GPC3: variants seen among roughly 807,000 people sequenced by gnomAD.
GPC3 encodes the protein glypican 3.
Under a neutral mutation model 34.4 loss-of-function variants are expected in GPC3, and 3 were observed. The observed-to-expected ratio is 0.09, with a 90% confidence interval of 0.04 to 0.23. The LOEUF (loss-of-function observed/expected upper bound fraction) is 0.23, where lower values mean the gene tolerates loss of function less well. Among genes scored for constraint, GPC3 ranks in the 10% least tolerant of loss-of-function variants. GPC3 has a pLI of 1.00. For missense variants in GPC3, 351 were observed against 445.6 expected (o/e 0.79, Z 1.91); for synonymous variants, 177 against 174.0 (o/e 1.02, Z -0.13).
At chrX:133,744,194 A>T (rs1265199545) in intron 3 of GPC3, among the ~76,000 whole-genome samples, 1 of 112,351 alleles carries the variant, frequency 8.9e-6, no homozygotes, top group Non-Finnish European at 1.9e-5. Context: ...GCTTCTGCAC[A>T]GCAAAAGAAA....
chrX:133,736,247 T>C (rs1276352388), intron 3 of GPC3, among the ~76,000 whole-genome samples: 1 of 112,060 alleles, frequency 8.9e-6, no homozygotes, highest in Non-Finnish European at 1.9e-5. Context: ...GGTGTGGATG[T>C]GGAGAAATTG....
chrX:133,661,633 T>TCCCC (rs367660039), intron 6 of GPC3, 97 bp downstream of exon 6: 2 of 6,280 alleles, frequency 3.2e-4, no homozygotes, highest in African/African-American at 1.3e-3. Flanking sequence ...TCTCTCTCTC[T>TCCCC]CCCCCCCCCC....
chrX:133,866,307 G>A (rs748981791), intron 2 of GPC3, among the ~76,000 whole-genome samples: 1 of 111,647 alleles, frequency 9.0e-6, no homozygotes, highest in African/African-American at 3.3e-5. Flanking sequence ...AGTAAATTGC[G>A]TGCTTTAATC....
rs1303471846 is a variant in GPC3, at chrX:133,541,258, C to CA, written c.1574-4966dup. On this transcript the variant is annotated intron_variant, in intron 7 of 7. Transcript: ENST00000370818. Reference sequence around the variant, plus strand: ...AGTAGCAAAGTTAAAAAAACAAAAACAAAAAAAAAACCCTACAAAGTGGCT... The same window carrying CA: ...AGTAGCAAAGTTAAAAAAACAAAAACAAAAAAAAAAACCCTACAAAGTGGCT... Among the ~76,000 whole-genome samples the CA allele has an allele frequency of 2.1e-3, 217 of 103,263 alleles. 1 individual carries two copies. The East Asian group carries it at 0.021, about 10-fold the overall frequency. The allele number at this position is 103,263 out of a possible 115,157, so 89.7% of individuals were successfully genotyped here.
At chrX:133,656,141 T>C (rs1462624310) in intron 6 of GPC3, among the ~76,000 whole-genome samples, 2 of 112,255 alleles carry the variant, frequency 1.8e-5, no homozygotes, top group Admixed American at 9.5e-5. Context: ...TTCCATACAA[T>C]GTGGTGGTTA....
chrX:133,714,787 A>G (rs769315782), intron 3 of GPC3, among the ~76,000 whole-genome samples: 3 of 111,709 alleles, frequency 2.7e-5, no homozygotes, highest in Non-Finnish European at 3.8e-5. Flanking sequence ...GCATTTATTC[A>G]AGAAAATGGC....
rs1269354535 is a variant in GPC3 at position 133,536,135 on chromosome X, GGAA to G, written c.1729_1731del (p.Phe577del). Reference sequence around the variant, plus strand: ...TGGGCACCAGGCAGTCAGTGCACCAGGAAGAAGAAGCACACCACCGAGATGGCC... The same window carrying G: ...TGGGCACCAGGCAGTCAGTGCACCAGGAAGAAGCACACCACCGAGATGGCC... On this transcript the variant is annotated inframe_deletion, in exon 8 of 8. Transcript: ENST00000370818. 2.5e-6 allele frequency: 3 copies of G among 1,198,809 alleles called. No homozygotes were observed. Among genetic ancestry groups the G allele is most frequent in the Non-Finnish European group, 3.4e-6 (3 of 888,531 alleles).
chrX:133,877,422 T>C (rs2076021537), intron 2 of GPC3, among the ~76,000 whole-genome samples: 2 of 111,806 alleles, frequency 1.8e-5, no homozygotes, highest in South Asian at 7.5e-4. Context: ...ACCTAAACCC[T>C]TGCATCTATA....
At chrX:133,912,638 T>C (rs1437371470) in intron 2 of GPC3, among the ~76,000 whole-genome samples, 1 of 109,620 alleles carries the variant, frequency 9.1e-6, no homozygotes, top group Non-Finnish European at 1.9e-5. Context: ...TGCCTTAAAG[T>C]GAGAAGGACA....
intron 2 of GPC3, among the ~76,000 whole-genome samples, chrX:133,901,009 GGAATTTCTGTTT>G (rs2076141621): frequency 8.9e-6 from 1 of 111,971 alleles, no homozygotes; most frequent in South Asian, 3.7e-4. Flanking sequence ...GGGTTTTCCA[GGAATTTCTGTTT>G]GAATCAAACT....
At chrX:133,694,906 A>C (rs916206059) in intron 4 of GPC3, among the ~76,000 whole-genome samples, 3 of 111,510 alleles carry the variant, frequency 2.7e-5, no homozygotes, top group African/African-American at 9.8e-5. Flanking sequence ...TGCAATAAAC[A>C]TAAGACCTCC....
At chrX:133,923,413 A>T (rs906354537) in intron 2 of GPC3, among the ~76,000 whole-genome samples, 2 of 111,584 alleles carry the variant, frequency 1.8e-5, no homozygotes, top group African/African-American at 6.5e-5. Flanking sequence ...TCAAGAGAGA[A>T]TAATCTAAAA....
At chrX:133,739,883 A>C (rs1406324057) in intron 3 of GPC3, among the ~76,000 whole-genome samples, 2 of 111,217 alleles carry the variant, frequency 1.8e-5, no homozygotes, top group East Asian at 5.7e-4. Context: ...ACTTTGTCTC[A>C]ATAAATTAAA....
intron 3 of GPC3, among the ~76,000 whole-genome samples, chrX:133,703,337 T>C (rs1252303277): frequency 8.9e-6 from 1 of 111,904 alleles, no homozygotes; most frequent in Admixed American, 9.5e-5. Context: ...TAGACCATGA[T>C]TCCTAAAGGT....
At chrX:133,554,312 ATT>A (rs756600163) in intron 7 of GPC3, among the ~76,000 whole-genome samples, 12 of 87,977 alleles carry the variant, frequency 1.4e-4, no homozygotes, top group Non-Finnish European at 1.8e-4. Flanking sequence ...GTATCTGGCA[ATT>A]TTTTTTTTTT....
At chrX:133,636,001 GTT>G (rs2070419405) in intron 6 of GPC3, among the ~76,000 whole-genome samples, 1 of 111,253 alleles carries the variant, frequency 9.0e-6, no homozygotes, top group South Asian at 3.8e-4. Context: ...AATGGGCCCT[GTT>G]GAGCCCTGGA....
chrX:133,851,705 T>G (rs2075874387), intron 2 of GPC3, among the ~76,000 whole-genome samples: 1 of 112,112 alleles, frequency 8.9e-6, no homozygotes, highest in African/African-American at 3.2e-5. Flanking sequence ...AAATCCATGA[T>G]GAAATCAGCT....
intron 6 of GPC3, among the ~76,000 whole-genome samples, chrX:133,642,170 C>T (rs888318237): frequency 1.8e-5 from 2 of 111,222 alleles, no homozygotes; most frequent in African/African-American, 6.6e-5. Flanking sequence ...AATGATCACT[C>T]TTCTCCCATT....
At chrX:133,983,064 C>T (rs1366085019) in intron 1 of GPC3, among the ~76,000 whole-genome samples, 1 of 111,566 alleles carries the variant, frequency 9.0e-6, no homozygotes, top group Non-Finnish European at 1.9e-5. Context: ...CAGTTTCATG[C>T]CAGGACAGAG....
Sources: gnomAD v4.1 joint callset for allele counts (sites outside exome capture counted in the v4.1 genomes callset) on GRCh38, gnomAD v4.1.1 for gene constraint, MANE v1.5 for transcripts, NCBI Gene and HGNC (gene_info 2026-07-23, HGNC 2026-07-21) for gene names.